Variants in MRPL42 observed in about 807,000 individuals in gnomAD.
MRPL42 encodes mitochondrial ribosomal protein L42.
Under a neutral mutation model 17.9 loss-of-function variants are expected in MRPL42, and 17 were observed. The observed-to-expected ratio is 0.95, with a 90% CI of 0.65 to 1.42. The LOEUF is 1.42. Among genes scored for constraint, MRPL42 ranks in the 40% most tolerant of loss-of-function variants. The pLI is 0.00. For missense variants in MRPL42, 177 were observed against 175.2 expected, an observed-to-expected ratio of 1.01 and a Z score of -0.06; for synonymous variants, 59 against 54.4, an observed-to-expected ratio of 1.08 and a Z score of -0.37.
chr12:93,497,028 C>G (rs1953519360), intron 5 of MRPL42, among the ~76,000 whole-genome samples: 1 of 152,110 alleles, frequency 6.6e-6, no homozygotes, highest in South Asian at 2.1e-4. Flanking sequence ...CAGGAAGAAA[C>G]TGAAACCCTG....
chr12:93,488,477 T>G (rs529903382), intron 5 of MRPL42: 95 of 381,862 alleles, frequency 2.5e-4, no homozygotes, highest in Admixed American at 6.3e-4. Flanking sequence ...TAACCAGAGC[T>G]TTCAGTGAAT....
At chr12:93,474,031 C>A (rs973002503) in intron 2 of MRPL42, among the ~76,000 whole-genome samples, 1 of 152,162 alleles carries the variant, frequency 6.6e-6, no homozygotes. Flanking sequence ...CATCTAGCAA[C>A]ACTAAGAATG....
rs1474675414 is a variant in MRPL42, at chr12:93,509,226, G to A, written c.*8005G>A. The A allele has an allele frequency of 3.4e-5, 5 of 148,564 alleles. No homozygotes were observed. The highest frequency in any genetic ancestry group is 1.3e-4 in the Admixed American group (2 of 14,864). 9.2% of individuals were successfully genotyped at this position (148,564 alleles called of 1,614,324 possible). On this transcript the variant is annotated 3_prime_UTR_variant, in exon 6 of 6. Coordinates refer to ENST00000549982, the MANE Select transcript of MRPL42 (RefSeq NM_014050.4). Reference sequence around the variant, plus strand: ...AAACTGCCAAAACGCTTTTTGCAAAGTGGTTGTACCATTTTATATTCTCAC... The same window carrying A: ...AAACTGCCAAAACGCTTTTTGCAAAATGGTTGTACCATTTTATATTCTCAC...
At chr12:93,482,205 A>G (rs895873857) in intron 4 of MRPL42, among the ~76,000 whole-genome samples, 2 of 152,130 alleles carry the variant, frequency 1.3e-5, no homozygotes, top group Non-Finnish European at 2.9e-5. Context: ...CTTTTACTTC[A>G]TAGTTTACTC....
intron 5 of MRPL42, among the ~76,000 whole-genome samples, chr12:93,496,608 G>A (rs1430267183): frequency 2.3e-5 from 3 of 128,938 alleles, no homozygotes; most frequent in Non-Finnish European, 3.1e-5. Flanking sequence ...ATAGCTTGAT[G>A]TTGAAATGAG....
intron 2 of MRPL42, among the ~76,000 whole-genome samples, chr12:93,476,221 C>G (rs1047418393): frequency 2.0e-5 from 3 of 152,240 alleles, no homozygotes; most frequent in Admixed American, 2.0e-4. Context: ...CAGAGTTTCG[C>G]TCTTGCACAG....
chr12:93,478,340 C>T lies in MRPL42; in HGVS notation c.135-1048C>T, dbSNP rs936732138. 3.3e-5 allele frequency among the ~76,000 whole-genome samples: 5 copies of T among 151,858 alleles called. No individual in the cohort carries two copies. The South Asian group carries it at 8.3e-4, about 25-fold the overall frequency. On this transcript the variant is annotated intron_variant, in intron 3 of 5. Coordinates refer to ENST00000549982, the MANE Select transcript of MRPL42 (RefSeq NM_014050.4). ...TCAGCTCATTGCAGCCTCAACCTCC[C>T]AGGTTCAAGCTGTCCTCCTGCCTCA...
intron 5 of MRPL42, among the ~76,000 whole-genome samples, chr12:93,491,433 G>T (rs1953411558): frequency 6.6e-6 from 1 of 152,040 alleles, no homozygotes; most frequent in Non-Finnish European, 1.5e-5. Flanking sequence ...GAAATATTTT[G>T]CCTATTTTTT....
At chr12:93,486,802 C>G (rs1314217454) in intron 4 of MRPL42, among the ~76,000 whole-genome samples, 1 of 151,702 alleles carries the variant, frequency 6.6e-6, no homozygotes, top group Non-Finnish European at 1.5e-5. Context: ...AAAATAAGAA[C>G]ATTAAATGAG....
rs912268039 is a variant in MRPL42, at chr12:93,488,320, C to T, written c.383+660C>T. ...GGTCTCACTCACTGTGTTGCGCAGGCTGATTTTAAACTCCTGGACTCAAGT... is the reference window on the plus strand; with the variant it reads ...GGTCTCACTCACTGTGTTGCGCAGGTTGATTTTAAACTCCTGGACTCAAGT... On this transcript the variant is annotated intron_variant, in intron 5 of 5. Transcript: ENST00000549982. The T allele has an allele frequency of 1.3e-5, 5 of 398,346 alleles. No homozygotes were observed. The Admixed American group carries it at 2.2e-4, about 18-fold the overall frequency. 24.7% of individuals were successfully genotyped at this position (398,346 alleles called of 1,614,324 possible). A position where few individuals can be genotyped will look rare whatever the true frequency, so the allele number is the denominator to read the frequency against.
rs751004823 is a variant in MRPL42 at position 93,479,373 on chromosome 12, C to T, written c.135-15C>T. On this transcript the variant is annotated splice_polypyrimidine_tract_variant and intron_variant, in intron 3 of 5. Transcript: ENST00000549982. ...ATACAGTATAACTTTATTTCTAAAA[C>T]ATTCTTTTTTTTAGCAACGTAGAGC... The T allele has an allele frequency of 1.3e-6, 2 of 1,522,548 alleles. No individual in the cohort carries two copies. The highest frequency in any genetic ancestry group is 1.9e-5 in the Admixed American group (1 of 53,764). 94.3% of individuals were successfully genotyped at this position (1,522,548 alleles called of 1,614,324 possible).
At chr12:93,490,663 A>G (rs556903899) in intron 5 of MRPL42, among the ~76,000 whole-genome samples, 1 of 152,082 alleles carries the variant, frequency 6.6e-6, no homozygotes, top group African/African-American at 2.4e-5. Flanking sequence ...CCATCTGTCC[A>G]TTCATCCATT....
chr12:93,472,007 A>G (rs1952501296), intron 2 of MRPL42, among the ~76,000 whole-genome samples: 2 of 152,216 alleles, frequency 1.3e-5, no homozygotes, highest in Admixed American at 6.5e-5. Context: ...GTGTCCCTGA[A>G]TAATTGAAAA....
intron 4 of MRPL42, 118 bp from the exon 5 acceptor site, chr12:93,487,379 C>A: frequency 3.6e-6 from 3 of 827,620 alleles, no homozygotes; most frequent in Non-Finnish European, 5.4e-6. Flanking sequence ...AACTTATTTG[C>A]CCACCCTAAA....
At chr12:93,490,137 T>G (rs1358578615) in intron 5 of MRPL42, among the ~76,000 whole-genome samples, 1 of 152,240 alleles carries the variant, frequency 6.6e-6, no homozygotes, top group East Asian at 1.9e-4. Context: ...ACAATCTGTT[T>G]TAAGCATTCA....
intron 4 of MRPL42, among the ~76,000 whole-genome samples, chr12:93,484,975 C>T (rs377005245): frequency 0.25 from 5,739 of 22,864 alleles, 1,486 homozygotes; most frequent in Middle Eastern, 0.48. Flanking sequence ...CACACACACA[C>T]ACACATATAT....
At chr12:93,472,557 G>A (rs1046266975) in intron 2 of MRPL42, among the ~76,000 whole-genome samples, 2 of 152,070 alleles carry the variant, frequency 1.3e-5, no homozygotes, top group Non-Finnish European at 2.9e-5. Flanking sequence ...CAGCCTGGGA[G>A]ACAGAGTGAG....
rs1234342069 is a variant in MRPL42, at chr12:93,479,407, A to C, written c.154A>C (p.Thr52Pro). 1 of 1,611,396 alleles carries C rather than the reference A, an allele frequency of 6.2e-7. No individual in the cohort carries two copies. Among genetic ancestry groups the C allele is most frequent in the Non-Finnish European group, 8.5e-7 (1 of 1,178,692 alleles). ...TTTTAGCAACGTAGAGCTTGCTCTG[A>C]CTTCTGATGGCAGGACAATAGTATG... ...DYNCNVELAL[T>P]SDGRTIVCYH... is the part of the protein sequence containing the mutation. Residue 52 changes from threonine (T) to proline (P), a missense_variant, in exon 4 of 6, where the codon ACT becomes CCT. Coordinates refer to ENST00000549982, the MANE Select transcript of MRPL42 (RefSeq NM_014050.4).
intron 2 of MRPL42, among the ~76,000 whole-genome samples, chr12:93,473,795 TG>T (rs1433498539): frequency 6.6e-6 from 1 of 151,824 alleles, no homozygotes; most frequent in African/African-American, 2.4e-5. Context: ...CTTGAACTCC[TG>T]GGTTCAAGTG....
Sources: allele counts gnomAD v4.1 joint callset (sites outside exome capture counted in the v4.1 genomes callset), GRCh38; gene constraint gnomAD v4.1.1; transcripts MANE v1.5; gene names NCBI Gene and HGNC (gene_info 2026-07-23, HGNC 2026-07-21).